The following CASR variants were observed in gnomAD, a reference collection of about 807,000 sequenced individuals.
CASR encodes extracellular calcium-sensing receptor.
CASR carries 23 observed loss-of-function variants against 69.1 expected under a neutral mutation model. That is an observed-to-expected ratio of 0.33 (90% CI 0.24 to 0.47). The LOEUF is 0.47. Among genes scored for constraint, CASR ranks in the 20% least tolerant of loss-of-function variants. The probability of loss-of-function intolerance (pLI) is 1.00; values close to 1 mark genes in which losing one functional copy is unlikely to be tolerated. For missense variants in CASR, 924 were observed against 1,356.1 expected (o/e 0.68, Z 5.00); for synonymous variants, 541 against 544.7 (o/e 0.99, Z 0.10).
intron 1 of CASR, among the ~76,000 whole-genome samples, chr3:122,200,603 T>G (rs1349572738): frequency 3.9e-5 from 6 of 152,218 alleles, no homozygotes; most frequent in Admixed American, 1.3e-4. Flanking sequence ...AGAATTTCAG[T>G]GTATAAGTGT....
rs1559959294 is a variant in CASR at position 122,261,900 on chromosome 3, A to G, written c.865A>G (p.Thr289Ala). 9 of 1,614,188 alleles carry G rather than the reference A, an allele frequency of 5.6e-6. No individual in the cohort carries two copies. Among genetic ancestry groups the G allele is most frequent in the African/African-American group, 1.3e-5 (1 of 75,050 alleles). ...CAAGGAGATTGTCCGGCGCAATATCACGGGCAAGATCTGGCTGGCCAGCGA... is the reference window on the plus strand; with the variant it reads ...CAAGGAGATTGTCCGGCGCAATATCGCGGGCAAGATCTGGCTGGCCAGCGA... The part of the protein sequence containing the change: ...LIKEIVRRNI[T>A]GKIWLASEAW... The change falls in exon 4 of 7, where the codon ACG becomes GCG. Residue 289 changes from threonine to alanine, a missense_variant. By Grantham distance (58) the Thr-to-Ala change is moderately conservative (BLOSUM62 0). Around this residue, in one of 8 missense-constraint regions of CASR, gnomAD observed 310 missense variants for 395.7 expected, o/e 0.78. Coordinates refer to ENST00000639785, the MANE Select transcript of CASR (RefSeq NM_000388.4).
chr3:122,226,687 A>G (rs1211470856), intron 1 of CASR, among the ~76,000 whole-genome samples: 1 of 152,186 alleles, frequency 6.6e-6, no homozygotes, highest in Non-Finnish European at 1.5e-5. Context: ...TGTATTTACA[A>G]ATCCTGAGCT....
chr3:122,243,777 A>C (rs1366529629), intron 1 of CASR, among the ~76,000 whole-genome samples: 1 of 152,284 alleles, frequency 6.6e-6, no homozygotes, highest in East Asian at 1.9e-4. Context: ...ATGCAACCTA[A>C]GTGTCCATCG....
chr3:122,194,145 C>G (rs1019347869), intron 1 of CASR, among the ~76,000 whole-genome samples: 2 of 152,122 alleles, frequency 1.3e-5, no homozygotes, highest in African/African-American at 4.8e-5. Flanking sequence ...CTGCAGAGTC[C>G]CCAGCTTGGA....
intron 1 of CASR, among the ~76,000 whole-genome samples, chr3:122,208,310 A>G (rs2074029150): frequency 6.6e-6 from 1 of 152,204 alleles, no homozygotes; most frequent in African/African-American, 2.4e-5. Flanking sequence ...TTGAGCAGCT[A>G]GGAATACAGT....
intron 4 of CASR, among the ~76,000 whole-genome samples, chr3:122,266,379 A>G (rs2074694581): frequency 6.6e-6 from 1 of 151,622 alleles, no homozygotes; most frequent in Admixed American, 6.6e-5. Context: ...GTGAGCCTGT[A>G]AGTCTCTTTG....
rs759009566 is a variant in CASR, at chr3:122,285,016, C to A, written c.3062C>A (p.Thr1021Lys). ...EPLLPLQCGE[T>K]DLDLTVQETG... Reference sequence around the variant, plus strand: ...TTACTCCCGCTGCAGTGCGGGGAAACGGACTTAGATCTGACCGTCCAGGAA... The same window carrying A: ...TTACTCCCGCTGCAGTGCGGGGAAAAGGACTTAGATCTGACCGTCCAGGAA... Residue 1021 changes from threonine (T) to lysine (K), a missense_variant, in exon 7 of 7, where the codon ACG becomes AAG. This residue lies in a region of CASR where 201 missense variants were observed against 228.8 expected (regional missense o/e 0.88). Transcript: ENST00000639785. 5 of 1,614,092 alleles carry A rather than the reference C, an allele frequency of 3.1e-6. No homozygotes were observed. The highest frequency in any genetic ancestry group is 4.5e-5 in the East Asian group (2 of 44,902).
At position 122,254,874 on chromosome 3, in the gene CASR, C is replaced by G. The variant is rs537418503; in HGVS notation, c.185+500C>G. Reference sequence around the variant, plus strand: ...TCAGCATGACCCAGGCATCTTCAAACTGTAAAATGTAGTCCATAGCATTTT... The same window carrying G: ...TCAGCATGACCCAGGCATCTTCAAAGTGTAAAATGTAGTCCATAGCATTTT... On this transcript the variant is annotated intron_variant, in intron 2 of 6. Coordinates refer to ENST00000639785, the MANE Select transcript of CASR (RefSeq NM_000388.4). 2.6e-5 allele frequency among the ~76,000 whole-genome samples: 4 copies of G among 152,092 alleles called. No individual in the cohort carries two copies. In the South Asian group the frequency reaches 8.3e-4, roughly 32 times the overall value.
intron 5 of CASR, among the ~76,000 whole-genome samples, chr3:122,277,947 A>G (rs1422369749): frequency 6.6e-6 from 1 of 152,204 alleles, no homozygotes; most frequent in Non-Finnish European, 1.5e-5. Flanking sequence ...TATAAGTTAA[A>G]TCTAATTTTT....
At chr3:122,221,724 T>C (rs2074173568) in intron 1 of CASR, among the ~76,000 whole-genome samples, 1 of 152,194 alleles carries the variant, frequency 6.6e-6, no homozygotes, top group Admixed American at 6.5e-5. Flanking sequence ...GCAATCTAGG[T>C]TTAAATAATC....
chr3:122,219,078 G>A (rs929499604), intron 1 of CASR, among the ~76,000 whole-genome samples: 1 of 152,182 alleles, frequency 6.6e-6, no homozygotes, highest in Non-Finnish European at 1.5e-5. Context: ...ATAAAATGGG[G>A]TGGTAGGTCA....
chr3:122,233,661 C>T (rs2107610059), intron 1 of CASR, among the ~76,000 whole-genome samples: 1 of 152,220 alleles, frequency 6.6e-6, no homozygotes, highest in Non-Finnish European at 1.5e-5. Flanking sequence ...ATGTCTATGC[C>T]CCACCCAGAT....
intron 3 of CASR, among the ~76,000 whole-genome samples, chr3:122,257,993 C>T (rs989612200): frequency 6.6e-6 from 1 of 152,168 alleles, no homozygotes; most frequent in Non-Finnish European, 1.5e-5. Context: ...GTTGCGTTTC[C>T]ATTTACTAAC....
intron 1 of CASR, among the ~76,000 whole-genome samples, chr3:122,231,835 A>T (rs1230731072): frequency 6.6e-6 from 1 of 151,962 alleles, no homozygotes; most frequent in Non-Finnish European, 1.5e-5. Context: ...TTTACCTTGC[A>T]TTCTCTTCTA....
At chr3:122,256,618 A>G (rs2074557329) in intron 2 of CASR, among the ~76,000 whole-genome samples, 1 of 151,882 alleles carries the variant, frequency 6.6e-6, no homozygotes, top group Admixed American at 6.6e-5. Context: ...TTTTATTTTT[A>G]TTTATTCATT....
chr3:122,283,612 C>A, intron 6 of CASR, 75 bp from the exon 7 acceptor site: 1 of 1,204,952 alleles, frequency 8.3e-7, no homozygotes, highest in Non-Finnish European at 1.2e-6. Flanking sequence ...CTATGTATTC[C>A]CACCACCACA....
chr3:122,220,501 T>C (rs1576830275), intron 1 of CASR, among the ~76,000 whole-genome samples: 2 of 152,298 alleles, frequency 1.3e-5, no homozygotes, highest in South Asian at 4.1e-4. Flanking sequence ...TTGATAACAG[T>C]TTACCACAAT....
intron 1 of CASR, among the ~76,000 whole-genome samples, chr3:122,244,270 T>C (rs181536606): frequency 2.0e-4 from 30 of 152,262 alleles, no homozygotes; most frequent in Admixed American, 5.9e-4. Context: ...TACATGCCTT[T>C]ATCAAAATAT....
intron 1 of CASR, among the ~76,000 whole-genome samples, chr3:122,245,756 C>A (rs1156425863): frequency 3.3e-5 from 5 of 152,058 alleles, no homozygotes; most frequent in African/African-American, 4.8e-5. Context: ...AAATAAAAGT[C>A]GGCCAGGTCT....
Sources: gnomAD v4.1 joint callset for allele counts (sites outside exome capture counted in the v4.1 genomes callset) on GRCh38, gnomAD v4.1.1 for gene constraint, gnomAD v4.1.1 regional missense constraint, MANE v1.5 for transcripts, NCBI Gene and HGNC (gene_info 2026-07-23, HGNC 2026-07-21) for gene names.